SLC4A4: variants seen among roughly 807,000 people sequenced by gnomAD.
SLC4A4 encodes solute carrier family 4 member 4, also known as electrogenic sodium bicarbonate cotransporter 1.
A neutral mutation model predicts 111.5 loss-of-function variants in SLC4A4; 27 were observed. That is an observed-to-expected ratio of 0.24 (90% CI 0.18 to 0.33). The LOEUF (loss-of-function observed/expected upper bound fraction) is 0.33. Ranked by LOEUF, SLC4A4 falls within the 10% of genes least tolerant of loss-of-function variation. The pLI, the probability that SLC4A4 is intolerant of heterozygous loss-of-function variation, is 1.00. For synonymous variants in SLC4A4, 443 were observed against 463.4 expected (o/e 0.96, Z 0.57); for missense variants, 909 against 1,315.5 (o/e 0.69, Z 4.78).
At chr4:71,083,189 A>G (rs953713959) in intron 1 of SLC4A4, among the ~76,000 whole-genome samples, 3 of 151,982 alleles carry the variant, frequency 2.0e-5, no homozygotes, top group Non-Finnish European at 4.4e-5. Context: ...ATAAGTGCAT[A>G]TGCCCAAATA....
At chr4:71,304,071 T>C (rs73826236) in intron 3 of SLC4A4, among the ~76,000 whole-genome samples, 23 of 152,360 alleles carry the variant, frequency 1.5e-4, no homozygotes, top group African/African-American at 5.5e-4. Flanking sequence ...AGAGGCTGAA[T>C]GTGAAATTAC....
intron 2 of SLC4A4, among the ~76,000 whole-genome samples, chr4:71,111,023 G>A (rs566198442): frequency 5.3e-5 from 8 of 152,096 alleles, no homozygotes; most frequent in Non-Finnish European, 8.8e-5. Flanking sequence ...AGCTTGTCAG[G>A]TTCCAGCCAC....
At chr4:71,151,379 T>C (rs1468124387) in intron 2 of SLC4A4, among the ~76,000 whole-genome samples, 1 of 152,178 alleles carries the variant, frequency 6.6e-6, no homozygotes, top group African/African-American at 2.4e-5. Context: ...TTCAGTGCAT[T>C]TCTCTGGTTC....
chr4:71,268,268 G>C (rs773177331), intron 3 of SLC4A4, among the ~76,000 whole-genome samples: 1 of 152,012 alleles, frequency 6.6e-6, no homozygotes, highest in Non-Finnish European at 1.5e-5. Context: ...AGGTTGGAGG[G>C]GCAATTCATT....
intron 3 of SLC4A4, chr4:71,300,814 T>C: frequency 2.4e-6 from 1 of 420,492 alleles, no homozygotes; most frequent in Non-Finnish European, 4.8e-6. Context: ...TGCAAACCCC[T>C]GAGGTGCAGA....
intron 18 of SLC4A4, among the ~76,000 whole-genome samples, chr4:71,540,061 A>G (rs755681723): frequency 3.9e-5 from 6 of 152,204 alleles, no homozygotes; most frequent in Non-Finnish European, 8.8e-5. Context: ...TATCGTTTCC[A>G]AACCTCTTTG....
chr4:71,279,822 A>G (rs1225562210), intron 3 of SLC4A4, among the ~76,000 whole-genome samples: 2 of 151,778 alleles, frequency 1.3e-5, no homozygotes, highest in Non-Finnish European at 2.9e-5. Context: ...TTGAGATGGA[A>G]TCTTGCTCTG....
chr4:71,564,826 A>G (rs888573569), intron 24 of SLC4A4, among the ~76,000 whole-genome samples: 4 of 151,960 alleles, frequency 2.6e-5, no homozygotes, highest in Non-Finnish European at 4.4e-5. Context: ...TATATTAGTT[A>G]TCAATCATTG....
At chr4:71,217,447 C>T (rs1175068641) in intron 1 of SLC4A4, among the ~76,000 whole-genome samples, 1 of 152,072 alleles carries the variant, frequency 6.6e-6, no homozygotes, top group Non-Finnish European at 1.5e-5. Flanking sequence ...CCTGTAATCC[C>T]AGCTATTTGG....
intron 7 of SLC4A4, among the ~76,000 whole-genome samples, chr4:71,411,373 C>T (rs1293653386): frequency 6.6e-6 from 1 of 151,502 alleles, no homozygotes; most frequent in African/African-American, 2.4e-5. Context: ...CCCCCCCCCT[C>T]TTGCCCCCAG....
intron 4 of SLC4A4, 62 bp from the exon 5 acceptor site, chr4:71,349,850 C>G (rs971552252): frequency 9.8e-6 from 15 of 1,535,400 alleles, no homozygotes; most frequent in Non-Finnish European, 1.4e-5. Context: ...GGGGTTGAGA[C>G]TGCTATTTCT....
intron 15 of SLC4A4, among the ~76,000 whole-genome samples, chr4:71,496,151 TTGAA>T (rs1419652188): frequency 1.3e-5 from 2 of 152,110 alleles, no homozygotes; most frequent in Non-Finnish European, 2.9e-5. Context: ...TTCAGGACTA[TTGAA>T]TACTAAGGGT....
chr4:71,471,239 C>T (rs10007391), intron 13 of SLC4A4, among the ~76,000 whole-genome samples: 39,750 of 151,786 alleles, frequency 0.26, 7,166 homozygotes, highest in East Asian at 0.59. Context: ...TGGGCACTTT[C>T]TATGTGCCAG....
intron 3 of SLC4A4, among the ~76,000 whole-genome samples, chr4:71,302,545 CT>C (rs1213114671): frequency 1.3e-5 from 2 of 152,208 alleles, no homozygotes; most frequent in Non-Finnish European, 2.9e-5. Context: ...TGGAAATGAG[CT>C]GTGAATCTTG....
chr4:71,401,686 C>T (rs982315238), intron 7 of SLC4A4, among the ~76,000 whole-genome samples: 4 of 152,096 alleles, frequency 2.6e-5, no homozygotes, highest in Non-Finnish European at 5.9e-5. Flanking sequence ...TAAGAAAGAG[C>T]TTTTCTCTTC....
rs186424915 is a variant in SLC4A4, at chr4:71,315,321, T to C, written c.254-24049T>C. On this transcript the variant is annotated intron_variant, in intron 3 of 25. Transcript: ENST00000264485. ...CCCACCTAGGTTTAGAAGACAGTTG[T>C]TTTGAACTATATAATTACTTTGGCT... Among the ~76,000 whole-genome samples, 4 of 152,286 alleles carry C rather than the reference T, an allele frequency of 2.6e-5. No individual in the cohort carries two copies. The East Asian group carries it at 7.7e-4, about 29-fold the overall frequency.
At position 71,064,409 on chromosome 4, in the gene SLC4A4, G is replaced by A. The variant is rs113520258; in HGVS notation, c.-65+1621G>A. ...TTTAATATTCCACAGTTGCTGCAGA[G>A]CCCATTAGAGTCATGCCTTTGAAGG... On this transcript the variant is annotated intron_variant, in intron 1 of 26. Transcript: ENST00000649996. Among the ~76,000 whole-genome samples the A allele has an allele frequency of 4.4e-3, 667 of 152,212 alleles. 4 individuals are homozygous for A. The highest frequency in any genetic ancestry group is 0.015 in the African/African-American group (633 of 41,532).
At chr4:71,405,592 A>G (rs947127790) in intron 7 of SLC4A4, among the ~76,000 whole-genome samples, 2 of 152,202 alleles carry the variant, frequency 1.3e-5, no homozygotes, top group African/African-American at 2.4e-5. Flanking sequence ...AGAAATTTTT[A>G]TAAGTGGAAT....
chr4:71,557,950 T>C, intron 22 of SLC4A4, 65 bp downstream of exon 22: 2 of 1,395,256 alleles, frequency 1.4e-6, no homozygotes, highest in Non-Finnish European at 2.0e-6. Context: ...TATTGTTATA[T>C]GGAAGACACA....
Sources: allele counts gnomAD v4.1 joint callset (sites outside exome capture counted in the v4.1 genomes callset), GRCh38; gene constraint gnomAD v4.1.1; transcripts MANE v1.5; gene names NCBI Gene and HGNC (gene_info 2026-07-23, HGNC 2026-07-21).